Variants in EPN2 observed in about 807,000 individuals in gnomAD.
EPN2 encodes epsin 2, also known as epsin-2.
Under a neutral mutation model 61.7 loss-of-function variants are expected in EPN2, and 34 were observed. The ratio of observed to expected loss-of-function variants is 0.55; its 90% CI spans 0.42 to 0.73. EPN2 has a LOEUF of 0.73. EPN2 is among the 30% of genes least tolerant of loss of function. EPN2 has a pLI of 0.00. For missense variants in EPN2, 714 were observed against 839.2 expected (o/e 0.85, Z 1.84); for synonymous variants, 349 against 353.6 (o/e 0.99, Z 0.15).
At chr17:19,332,166 G>A in intron 10 of EPN2, 98 bp downstream of exon 10, 3 of 902,724 alleles carry the variant, frequency 3.3e-6, no homozygotes, top group Non-Finnish European at 5.2e-6. Context: ...TGACGGGGAA[G>A]GGGTGGGACT....
At chr17:19,316,085 GAAT>G (rs1906372743) in intron 7 of EPN2, among the ~76,000 whole-genome samples, 1 of 152,206 alleles carries the variant, frequency 6.6e-6, no homozygotes, top group African/African-American at 2.4e-5. Context: ...TTCTGTGGAT[GAAT>G]AATATTCCAT....
chr17:19,277,795 G>A (rs946025560), intron 1 of EPN2, among the ~76,000 whole-genome samples: 10 of 152,172 alleles, frequency 6.6e-5, no homozygotes, highest in Non-Finnish European at 7.3e-5. Context: ...AGCTTTGGCC[G>A]GGCGCGGTGG....
At chr17:19,325,091 G>A (rs1413316526) in intron 7 of EPN2, among the ~76,000 whole-genome samples, 3 of 152,186 alleles carry the variant, frequency 2.0e-5, no homozygotes, top group Admixed American at 1.3e-4. Context: ...CTGTAATCAT[G>A]GAAGGTATGG....
intron 1 of EPN2, among the ~76,000 whole-genome samples, chr17:19,257,609 C>T (rs1471535718): frequency 2.4e-4 from 36 of 151,938 alleles, no homozygotes; most frequent in Non-Finnish European, 5.3e-4. Flanking sequence ...CTGCCGCCTC[C>T]CGGGTTCAAG....
chr17:19,262,020 C>G (rs1368586381), intron 1 of EPN2, among the ~76,000 whole-genome samples: 1 of 151,802 alleles, frequency 6.6e-6, no homozygotes, highest in African/African-American at 2.4e-5. Flanking sequence ...AAACCCATCT[C>G]TACTAAAAAT....
At chr17:19,265,891 A>G (rs2045192434) in intron 1 of EPN2, among the ~76,000 whole-genome samples, 1 of 152,050 alleles carries the variant, frequency 6.6e-6, no homozygotes, top group African/African-American at 2.4e-5. Flanking sequence ...CCTCCTGGCT[A>G]TTCCACCCCT....
At chr17:19,310,571 C>CTTTTTTTTTTTTTTT (rs71155391) in intron 5 of EPN2, among the ~76,000 whole-genome samples, 16 of 80,920 alleles carry the variant, frequency 2.0e-4, no homozygotes, top group Admixed American at 7.6e-4. Context: ...CTCCTTCTTT[C>CTTTTTTTTTTTTTTT]TTTTTTTTTT....
rs554313730 is a variant in EPN2 at position 19,269,944 on chromosome 17, A to G, written c.-293-12011A>G. On this transcript the variant is annotated intron_variant, in intron 1 of 10. Transcript: ENST00000314728. ...TGTAGGCCTGCAGATTCAGCAAAGGAAAGTTTCTTGTTCTTACGATTTTGA... is the reference window on the plus strand; with the variant it reads ...TGTAGGCCTGCAGATTCAGCAAAGGGAAGTTTCTTGTTCTTACGATTTTGA... 5.3e-5 allele frequency among the ~76,000 whole-genome samples: 8 copies of G among 152,354 alleles called. No homozygotes were observed. The East Asian group carries it at 9.6e-4, about 18-fold the overall frequency.
In EPN2 at chr17:19,310,687, C is replaced by T. The variant is rs1420056510; in HGVS notation, c.879+690C>T. ...CCGCGTCCTGGGTTCAAGTGATTCT[C>T]GTGCCTCAGCGTCCCGAGTAGCTGG... is the stretch of plus-strand genomic sequence containing the variant. On this transcript the variant is annotated intron_variant, in intron 5 of 10. Transcript: ENST00000314728. Among the ~76,000 whole-genome samples the T allele has an allele frequency of 4.3e-5, 6 of 140,934 alleles. No individual in the cohort carries two copies. In the South Asian group the frequency reaches 1.4e-3, roughly 32 times the overall value. The allele number at this position is 140,934 out of a possible 152,430, so 92.5% of individuals were successfully genotyped here.
At chr17:19,302,614 C>A (rs1327416216) in intron 4 of EPN2, among the ~76,000 whole-genome samples, 1 of 152,194 alleles carries the variant, frequency 6.6e-6, no homozygotes, top group Non-Finnish European at 1.5e-5. Context: ...AGGGCTCCCA[C>A]TGATTCTATA....
chr17:19,266,107 C>G (rs1375476729), intron 1 of EPN2, among the ~76,000 whole-genome samples: 1 of 152,144 alleles, frequency 6.6e-6, no homozygotes, highest in Non-Finnish European at 1.5e-5. Flanking sequence ...GATCAAGATT[C>G]AGAAATACCA....
At chr17:19,249,066 C>A (rs1227495764) in intron 1 of EPN2, among the ~76,000 whole-genome samples, 1 of 152,220 alleles carries the variant, frequency 6.6e-6, no homozygotes, top group Non-Finnish European at 1.5e-5. Context: ...TGACCAGACT[C>A]TCCAGGCAGG....
At chr17:19,281,892 G>A (rs766195986) in intron 1 of EPN2, 63 bp from the exon 2 acceptor site, 1 of 152,258 alleles carries the variant, frequency 6.6e-6, no homozygotes, top group Non-Finnish European at 1.5e-5. Flanking sequence ...TCCCCTGCCA[G>A]ACTGTGGCCT....
At chr17:19,259,471 C>T (rs902536191) in intron 1 of EPN2, among the ~76,000 whole-genome samples, 6 of 152,036 alleles carry the variant, frequency 3.9e-5, no homozygotes, top group African/African-American at 1.4e-4. Flanking sequence ...TGCCACCACG[C>T]CTGGCTAACT....
chr17:19,291,960 G>C (rs2045469787), intron 4 of EPN2, among the ~76,000 whole-genome samples: 1 of 152,142 alleles, frequency 6.6e-6, no homozygotes, highest in African/African-American at 2.4e-5. Flanking sequence ...CGCACACACA[G>C]ACACATGTGC....
chr17:19,308,449 G>C (rs1356563215), intron 4 of EPN2: 2 of 985,228 alleles, frequency 2.0e-6, no homozygotes, highest in Non-Finnish European at 2.4e-6. Flanking sequence ...ACCTGTGCAT[G>C]CACCTGTCTG....
intron 1 of EPN2, among the ~76,000 whole-genome samples, chr17:19,251,059 A>G (rs1354654280): frequency 6.6e-6 from 1 of 152,140 alleles, no homozygotes; most frequent in Non-Finnish European, 1.5e-5. Flanking sequence ...ACACTAGTAC[A>G]TTCTGATGCC....
intron 4 of EPN2, among the ~76,000 whole-genome samples, chr17:19,302,222 C>T (rs1371712481): frequency 6.6e-6 from 1 of 152,222 alleles, no homozygotes; most frequent in Non-Finnish European, 1.5e-5. Context: ...GACAGTGTTG[C>T]ACAGGCAGTG....
intron 1 of EPN2, among the ~76,000 whole-genome samples, chr17:19,239,360 C>T (rs1346768162): frequency 6.6e-6 from 1 of 152,348 alleles, no homozygotes; most frequent in East Asian, 1.9e-4. Flanking sequence ...CCACGTTGGC[C>T]AGGCTGGTCT....
Sources: allele counts gnomAD v4.1 joint callset (sites outside exome capture counted in the v4.1 genomes callset), GRCh38; gene constraint gnomAD v4.1.1; transcripts MANE v1.5; gene names NCBI Gene and HGNC (gene_info 2026-07-23, HGNC 2026-07-21).